The following VAPA variants were observed in gnomAD, a reference collection of about 807,000 sequenced individuals.
VAPA encodes VAMP associated protein A, also known as vesicle-associated membrane protein-associated protein A.
VAPA carries 6 observed loss-of-function variants against 25.6 expected under a neutral mutation model. That is an observed-to-expected ratio of 0.23 (90% CI 0.13 to 0.46). VAPA has a LOEUF of 0.46. Among genes scored for constraint, VAPA ranks in the 20% least tolerant of loss-of-function variants. The pLI is 0.99. For missense variants in VAPA, 244 were observed against 302.1 expected (o/e 0.81, Z 1.43); for synonymous variants, 112 against 106.2 (o/e 1.05, Z -0.34).
intron 1 of VAPA, among the ~76,000 whole-genome samples, chr18:9,922,644 C>T (rs942914917): frequency 2.6e-5 from 4 of 151,926 alleles, no homozygotes; most frequent in African/African-American, 9.7e-5. Context: ...AGGTTTCAGA[C>T]CTTCAAGGTC....
At chr18:9,920,828 AC>A (rs1567891672) in intron 1 of VAPA, among the ~76,000 whole-genome samples, 1 of 152,216 alleles carries the variant, frequency 6.6e-6, no homozygotes, top group African/African-American at 2.4e-5. Flanking sequence ...ACTCCAGGCC[AC>A]TGCAATGCTT....
At chr18:9,915,215 A>G (rs898003091) in intron 1 of VAPA, 1 of 152,246 alleles carries the variant, frequency 6.6e-6, no homozygotes, top group African/African-American at 2.4e-5. Flanking sequence ...AGAAACCTTC[A>G]GTGCGTGTGA....
At position 9,954,234 on chromosome 18, in the gene VAPA, T is replaced by C. The variant is rs966911360; in HGVS notation, c.*23T>C. On this transcript the variant is annotated 3_prime_UTR_variant, in exon 6 of 6. Coordinates refer to ENST00000400000, the MANE Select transcript of VAPA (RefSeq NM_194434.3). The stretch of plus-strand genomic sequence containing the variant: ...TAGAGTGAAGCATGCAGAGTGCTGT[T>C]TCTTTTTTTTTTTTTCTCTTGACCA... 4 of 1,566,218 alleles carry C rather than the reference T, an allele frequency of 2.6e-6. No homozygotes were observed. In the African/African-American group the frequency reaches 4.3e-5, roughly 17 times the overall value.
intron 3 of VAPA, chr18:9,936,754 A>G (rs1158009947): frequency 1.1e-5 from 5 of 443,350 alleles, no homozygotes; most frequent in East Asian, 7.4e-5. Context: ...AGAAAGTCCT[A>G]TGGTTGCTAG....
chr18:9,946,744 TTACTG>T (rs376441248), intron 4 of VAPA, among the ~76,000 whole-genome samples: 5 of 152,126 alleles, frequency 3.3e-5, no homozygotes, highest in Non-Finnish European at 7.3e-5. Flanking sequence ...GCCTAGGACA[TTACTG>T]TACACTGTAG....
chr18:9,916,066 A>AT (rs2143268787), intron 1 of VAPA, among the ~76,000 whole-genome samples: 1 of 152,280 alleles, frequency 6.6e-6, no homozygotes, highest in Non-Finnish European at 1.5e-5. Flanking sequence ...CTATGTGTAA[A>AT]TTGCCATTAG....
rs753148903 is a variant in VAPA at position 9,936,091 on chromosome 18, T to A, written c.233-19T>A. On this transcript the variant is annotated intron_variant, in intron 2 of 5. Coordinates refer to ENST00000400000, the MANE Select transcript of VAPA (RefSeq NM_194434.3). The stretch of plus-strand genomic sequence containing the variant: ...GACATGCAGGAGACAATATAATATA[T>A]CCTTTTTTTCTTATTTAGTAATGCT... The A allele has an allele frequency of 6.5e-7, 1 of 1,540,760 alleles. No individual in the cohort carries two copies. Among genetic ancestry groups the A allele is most frequent in the Non-Finnish European group, 8.9e-7 (1 of 1,125,862 alleles).
At chr18:9,931,276 A>G (rs1310949771) in intron 1 of VAPA, among the ~76,000 whole-genome samples, 1 of 152,228 alleles carries the variant, frequency 6.6e-6, no homozygotes, top group African/African-American at 2.4e-5. Context: ...CAAAGCTTAA[A>G]AACTTTGTAT....
At chr18:9,925,762 C>T (rs2143312064) in intron 1 of VAPA, among the ~76,000 whole-genome samples, 1 of 151,936 alleles carries the variant, frequency 6.6e-6, no homozygotes, top group East Asian at 1.9e-4. Flanking sequence ...GTGCTTGATA[C>T]TTATTTCAGG....
At chr18:9,935,526 G>C (rs1726242100) in intron 2 of VAPA, among the ~76,000 whole-genome samples, 1 of 152,242 alleles carries the variant, frequency 6.6e-6, no homozygotes, top group African/African-American at 2.4e-5. Context: ...AGTGAGCTGA[G>C]ATTGCGCCAC....
chr18:9,930,968 AAAG>A (rs2069248682), intron 1 of VAPA, among the ~76,000 whole-genome samples: 3 of 152,170 alleles, frequency 2.0e-5, no homozygotes, highest in Non-Finnish European at 4.4e-5. Flanking sequence ...AGATTGAAAT[AAAG>A]AAAAGAGAGC....
chr18:9,938,144 T>C (rs1249893079), intron 4 of VAPA, among the ~76,000 whole-genome samples: 1 of 152,226 alleles, frequency 6.6e-6, no homozygotes, highest in Non-Finnish European at 1.5e-5. Flanking sequence ...GCCCAGCTCT[T>C]ACTGTTGAAA....
chr18:9,952,490 C>A (rs1163767901), intron 5 of VAPA, among the ~76,000 whole-genome samples: 1 of 151,604 alleles, frequency 6.6e-6, no homozygotes, highest in South Asian at 2.1e-4. Context: ...TCACTTGAAC[C>A]CAGGAGGCAG....
intron 4 of VAPA, among the ~76,000 whole-genome samples, chr18:9,946,358 A>G (rs905159842): frequency 7.9e-5 from 12 of 152,296 alleles, no homozygotes; most frequent in Admixed American, 7.8e-4. Flanking sequence ...GAAACAATCT[A>G]CACTGAGCTT....
chr18:9,929,058 C>G (rs925425674), intron 1 of VAPA, among the ~76,000 whole-genome samples: 3 of 152,170 alleles, frequency 2.0e-5, no homozygotes, highest in Non-Finnish European at 4.4e-5. Flanking sequence ...ATTGGTGATT[C>G]AGGTATGATG....
intron 1 of VAPA, 180 bp from the exon 2 acceptor site, chr18:9,931,630 T>C (rs910979284): frequency 4.2e-6 from 2 of 476,654 alleles, no homozygotes; most frequent in African/African-American, 2.0e-5. Context: ...AAGAAGAAAA[T>C]ATGACTTGTT....
intron 1 of VAPA, among the ~76,000 whole-genome samples, chr18:9,917,814 G>GA (rs1163674781): frequency 6.6e-6 from 1 of 152,008 alleles, no homozygotes; most frequent in Non-Finnish European, 1.5e-5. Flanking sequence ...GGGCGGGGGG[G>GA]AAATTAGAGA....
intron 5 of VAPA, 41 bp downstream of exon 5, chr18:9,950,609 G>A: frequency 1.3e-6 from 2 of 1,594,738 alleles, no homozygotes; most frequent in Admixed American, 1.8e-5. Context: ...TGAAATGAAG[G>A]TATAGGACAT....
intron 4 of VAPA, among the ~76,000 whole-genome samples, chr18:9,939,521 T>C (rs1308727212): frequency 3.3e-5 from 3 of 91,244 alleles, no homozygotes; most frequent in African/African-American, 5.9e-5. Flanking sequence ...TTCCTCTCTT[T>C]TTTTTTTTTT....
Sources: allele counts gnomAD v4.1 joint callset (sites outside exome capture counted in the v4.1 genomes callset), GRCh38; gene constraint gnomAD v4.1.1; transcripts MANE v1.5; gene names NCBI Gene and HGNC (gene_info 2026-07-23, HGNC 2026-07-21).